Variants in APELA observed in about 807,000 individuals in gnomAD.
The protein encoded by APELA is apelin receptor early endogenous ligand, also known as protein Elabela.
chr4:164,893,515 T>C (rs1254378846), intron 2 of APELA, among the ~76,000 whole-genome samples: 1 of 152,170 alleles, frequency 6.6e-6, no homozygotes, highest in Non-Finnish European at 1.5e-5. Flanking sequence ...ATCTTCATAA[T>C]TGTTCTATCT....
At chr4:164,879,666 A>G (rs1730622995) in intron 2 of APELA, among the ~76,000 whole-genome samples, 1 of 152,184 alleles carries the variant, frequency 6.6e-6, no homozygotes, top group Non-Finnish European at 1.5e-5. Flanking sequence ...GCTGGTCTCG[A>G]ACTCCTAGCC....
chr4:164,884,141 AAGAAAGAAAGAAAGAAAGGAGAAG>A (rs1560858095), intron 2 of APELA, among the ~76,000 whole-genome samples: 5 of 149,598 alleles, frequency 3.3e-5, no homozygotes, highest in African/African-American at 1.3e-4. Context: ...GAAAGAAAGA[AAGAAAGAAAGAAAGAAAGGAGAAG>A]AGAAAGAAAG....
intron 2 of APELA, among the ~76,000 whole-genome samples, chr4:164,886,470 A>G (rs1218922414): frequency 1.3e-5 from 2 of 152,054 alleles, no homozygotes; most frequent in Non-Finnish European, 2.9e-5. Flanking sequence ...TGGGCAACAC[A>G]GCAAGACACT....
Position 164,896,393 on chromosome 4 carries a change from G to A in APELA, c.*979G>A, listed in dbSNP as rs1270744612. On this transcript the variant is annotated 3_prime_UTR_variant, in exon 3 of 3. Transcript: ENST00000507152. ...AGGAACCCAACGTTTGATTTCCTTT[G>A]AAGTTTTGTTATGTCCTTTATTATT... 2.0e-5 allele frequency: 3 copies of A among 152,124 alleles called. No homozygotes were observed. The highest frequency in any genetic ancestry group is 2.9e-5 in the Non-Finnish European group (2 of 68,020). 9.4% of individuals were successfully genotyped at this position (152,124 alleles called of 1,614,324 possible). A position where few individuals can be genotyped will look rare whatever the true frequency, so the allele number is the denominator to read the frequency against.
At chr4:164,881,590 G>A (rs976760102) in intron 2 of APELA, among the ~76,000 whole-genome samples, 2 of 151,876 alleles carry the variant, frequency 1.3e-5, no homozygotes, top group East Asian at 3.9e-4. Context: ...GATTTAGAGT[G>A]AAGGAGAGCA....
chr4:164,883,419 C>A (rs1017275291), intron 2 of APELA, among the ~76,000 whole-genome samples: 1 of 152,070 alleles, frequency 6.6e-6, no homozygotes, highest in South Asian at 2.1e-4. Flanking sequence ...CAAAATCCAA[C>A]CTCGCCCTCA....
At chr4:164,887,482 A>G (rs966698308) in intron 2 of APELA, among the ~76,000 whole-genome samples, 4 of 152,096 alleles carry the variant, frequency 2.6e-5, no homozygotes, top group African/African-American at 9.7e-5. Flanking sequence ...ACACATATAC[A>G]CATCCACATA....
At position 164,887,056 on chromosome 4, in the gene APELA, G is replaced by C. The variant is rs142957650; in HGVS notation, c.*1+8047G>C. 6.8e-4 allele frequency among the ~76,000 whole-genome samples: 103 copies of C among 152,160 alleles called. 1 individual carries two copies. The highest frequency in any genetic ancestry group is 2.2e-3 in the African/African-American group (90 of 41,506). Reference sequence around the variant, plus strand: ...TTGGCCAAGCGGGTCTCAAACTCTTGACCTCAGGTGATCTTCCCACCTCAG... The same window carrying C: ...TTGGCCAAGCGGGTCTCAAACTCTTCACCTCAGGTGATCTTCCCACCTCAG... On this transcript the variant is annotated intron_variant, in intron 2 of 2. Coordinates refer to ENST00000507152, the MANE Select transcript of APELA (RefSeq NM_001297550.2).
intron 1 of APELA, among the ~76,000 whole-genome samples, chr4:164,877,778 A>G (rs1010408961): frequency 1.1e-4 from 16 of 152,224 alleles, no homozygotes; most frequent in African/African-American, 3.9e-4. Context: ...ACTCCAAAGC[A>G]GTTTATTTAA....
chr4:164,887,878 C>A (rs1730803755), intron 2 of APELA, among the ~76,000 whole-genome samples: 1 of 152,212 alleles, frequency 6.6e-6, no homozygotes, highest in Non-Finnish European at 1.5e-5. Flanking sequence ...TCCCAAAGTA[C>A]TGGGATTACA....
At chr4:164,885,539 G>A (rs575981933) in intron 2 of APELA, among the ~76,000 whole-genome samples, 2 of 151,828 alleles carry the variant, frequency 1.3e-5, no homozygotes, top group Non-Finnish European at 2.9e-5. Context: ...TCAGGAGTTC[G>A]AGACCAGCCT....
chr4:164,877,272 T>G lies in APELA; in HGVS notation c.-60T>G, dbSNP rs1400165342. The G allele has an allele frequency of 2.5e-6, 1 of 398,602 alleles. No homozygotes were observed. Among genetic ancestry groups the G allele is most frequent in the African/African-American group, 2.1e-5 (1 of 48,630 alleles). 24.7% of individuals were successfully genotyped at this position (398,602 alleles called of 1,614,324 possible). On this transcript the variant is annotated 5_prime_UTR_variant, in exon 1 of 3. Transcript: ENST00000507152. ...ACAGCCACACAGATATTGCACAGAC[T>G]ATTTACAGATCGTTTGGTTTACATT...
At chr4:164,884,148 A>G (rs955806967) in intron 2 of APELA, among the ~76,000 whole-genome samples, 3 of 149,194 alleles carry the variant, frequency 2.0e-5, no homozygotes, top group Non-Finnish European at 4.4e-5. Context: ...AGAAAGAAAG[A>G]AAGAAAGAAA....
At position 164,896,401 on chromosome 4, in the gene APELA, G is replaced by A. The variant is rs1008596971; in HGVS notation, c.*987G>A. ...AACGTTTGATTTCCTTTGAAGTTTT[G>A]TTATGTCCTTTATTATTTTGTATGG... On this transcript the variant is annotated 3_prime_UTR_variant, in exon 3 of 3. Coordinates refer to ENST00000507152, the MANE Select transcript of APELA (RefSeq NM_001297550.2). 4.6e-5 allele frequency: 7 copies of A among 152,074 alleles called. No homozygotes were observed. The highest frequency in any genetic ancestry group is 3.9e-4 in the Admixed American group (6 of 15,262). 9.4% of individuals were successfully genotyped at this position (152,074 alleles called of 1,614,324 possible). A position where few individuals can be genotyped will look rare whatever the true frequency, so the allele number is the denominator to read the frequency against.
intron 2 of APELA, among the ~76,000 whole-genome samples, chr4:164,887,268 C>T (rs949968402): frequency 2.0e-4 from 30 of 152,162 alleles, no homozygotes; most frequent in African/African-American, 7.2e-4. Flanking sequence ...CTAATCCATT[C>T]CCCTCCTTAC....
At chr4:164,882,100 T>A (rs1299815808) in intron 2 of APELA, among the ~76,000 whole-genome samples, 1 of 152,100 alleles carries the variant, frequency 6.6e-6, no homozygotes, top group Non-Finnish European at 1.5e-5. Context: ...GCTTTTTTTT[T>A]TAATTTATTT....
intron 2 of APELA, among the ~76,000 whole-genome samples, chr4:164,884,378 T>C (rs1327201145): frequency 6.6e-6 from 1 of 152,200 alleles, no homozygotes; most frequent in Admixed American, 6.5e-5. Context: ...TGTTCCCCTT[T>C]TCCTTCTGCG....
At chr4:164,888,102 G>GT (rs1730809709) in intron 2 of APELA, among the ~76,000 whole-genome samples, 1 of 152,060 alleles carries the variant, frequency 6.6e-6, no homozygotes. Context: ...ATAATAAAAT[G>GT]TATCTCTACT....
At chr4:164,891,419 T>G (rs908727151) in intron 2 of APELA, among the ~76,000 whole-genome samples, 1 of 152,178 alleles carries the variant, frequency 6.6e-6, no homozygotes, top group Non-Finnish European at 1.5e-5. Context: ...TTGACAAAAT[T>G]AAGTCTTCCA....
Sources: allele counts gnomAD v4.1 joint callset (sites outside exome capture counted in the v4.1 genomes callset), GRCh38; gene constraint gnomAD v4.1.1; transcripts MANE v1.5; gene names NCBI Gene and HGNC (gene_info 2026-07-23, HGNC 2026-07-21).